Variants in FOXR1 observed in about 807,000 individuals in gnomAD.
FOXR1 encodes the protein forkhead box R1, also known as forkhead box protein R1.
Under a neutral mutation model 34.5 loss-of-function variants are expected in FOXR1, and 25 were observed. The observed-to-expected ratio is 0.72, with a 90% confidence interval of 0.53 to 1.01. FOXR1 has a LOEUF of 1.01. FOXR1 is among the 50% of genes least tolerant of loss of function. FOXR1 has a pLI of 0.00. For missense variants in FOXR1, 373 were observed against 376.2 expected, an observed-to-expected ratio of 0.99 and a Z score of 0.07; for synonymous variants, 153 against 141.6, an observed-to-expected ratio of 1.08 and a Z score of -0.57.
At chr11:118,977,029 CTA>C (rs1941787396) in intron 1 of FOXR1, among the ~76,000 whole-genome samples, 1 of 151,972 alleles carries the variant, frequency 6.6e-6, no homozygotes, top group East Asian at 1.9e-4. Context: ...GTGATTTTTA[CTA>C]TGTTAGAACT....
intron 3 of FOXR1, 57 bp from the exon 4 acceptor site, chr11:118,979,385 G>A (rs552452355): frequency 2.0e-6 from 3 of 1,499,608 alleles, no homozygotes; most frequent in South Asian, 1.3e-5. Context: ...TCCTGCCACT[G>A]CACCCTGGAG....
At chr11:118,975,443 G>A (rs1941768508) in intron 1 of FOXR1, among the ~76,000 whole-genome samples, 1 of 151,108 alleles carries the variant, frequency 6.6e-6, no homozygotes, top group South Asian at 2.1e-4. Context: ...TTAGAGACAG[G>A]GTCTCTATCT....
At chr11:118,974,284 G>C (rs1485965083) in intron 1 of FOXR1, among the ~76,000 whole-genome samples, 1 of 152,212 alleles carries the variant, frequency 6.6e-6, no homozygotes, top group East Asian at 1.9e-4. Context: ...GAGTGCAGTG[G>C]CACAATTACC....
Position 118,980,688 on chromosome 11 carries a change from C to T in FOXR1, c.810C>T (p.Ser270=), listed in dbSNP as rs782265268. 1 of 1,613,922 alleles carries T rather than the reference C, an allele frequency of 6.2e-7. No individual in the cohort carries two copies. Among genetic ancestry groups the T allele is most frequent in the East Asian group, 2.2e-5 (1 of 44,886 alleles). Residue 270 remains serine, a synonymous_variant, in exon 5 of 6, where the codon TCC becomes TCT. Coordinates refer to ENST00000317011, the MANE Select transcript of FOXR1 (RefSeq NM_181721.3). ...CGGAGGAGGCCCGCGCCTTGGCTTC[C>T]ACTCGGCTAGAAAGTATCCAACAGT... The part of the protein sequence containing the change: ...RFAEEARALA[S]TRLESIQQCM...
intron 1 of FOXR1, among the ~76,000 whole-genome samples, chr11:118,975,438 G>C (rs1592026661): frequency 6.7e-6 from 1 of 149,110 alleles, no homozygotes. Flanking sequence ...TTTTTTTAGA[G>C]ACAGGGTCTC....
At position 118,971,963 on chromosome 11, in the gene FOXR1, C is replaced by T. The variant is rs1941708950; in HGVS notation, c.32C>T (p.Thr11Ile). 23 of 1,553,074 alleles carry T rather than the reference C, an allele frequency of 1.5e-5. No individual in the cohort carries two copies. The highest frequency in any genetic ancestry group is 2.0e-5 in the Non-Finnish European group (23 of 1,147,600). ...AACGAGCTCTTTCTGGCCTTCACCACATCTCACCTCCCCTTAGCGGAGCAG... is the reference window on the plus strand; with the variant it reads ...AACGAGCTCTTTCTGGCCTTCACCATATCTCACCTCCCCTTAGCGGAGCAG... MGNELFLAFT[T>I]SHLPLAEQKL... is the part of the protein sequence containing the mutation. The change falls in exon 1 of 6, where the codon ACA (threonine) becomes ATA (isoleucine). Residue 11 changes from threonine to isoleucine, a missense_variant. Physicochemically the swap from Thr to Ile is moderately conservative, Grantham distance 89. Coordinates refer to ENST00000317011, the MANE Select transcript of FOXR1 (RefSeq NM_181721.3).
Position 118,980,511 on chromosome 11 carries a change from G to T in FOXR1, c.633G>T (p.Arg211=), listed in dbSNP as rs782256291. Residue 211 remains arginine, a synonymous_variant, in exon 5 of 6, where the codon CGG becomes CGT. Transcript: ENST00000317011. ...SFTRKHFPFF[R]TAPEGWKNTV... is the part of the protein sequence containing the mutation. ...ATAGAAAGCACTTCCCCTTTTTCCGGACGGCCCCGGAAGGCTGGAAGAATA... is the reference window on the plus strand; with the variant it reads ...ATAGAAAGCACTTCCCCTTTTTCCGTACGGCCCCGGAAGGCTGGAAGAATA... 6.2e-7 allele frequency: 1 copy of T among 1,613,744 alleles called. No individual in the cohort carries two copies. Among genetic ancestry groups the T allele is most frequent in the Non-Finnish European group, 8.5e-7 (1 of 1,179,936 alleles).
Position 118,978,780 on chromosome 11 carries a change from A to G in FOXR1, c.62-2A>G. ...GACTCTCTCTGTCTTTCTTTTTGCCAGTTGCCAGGTATAAACTCCGAATTG... is the reference window on the plus strand; with the variant it reads ...GACTCTCTCTGTCTTTCTTTTTGCCGGTTGCCAGGTATAAACTCCGAATTG... On this transcript the variant is annotated splice_acceptor_variant, in intron 1 of 5. Transcript: ENST00000317011. LOFTEE classifies it high-confidence loss of function. The G allele has an allele frequency of 2.5e-6, 4 of 1,614,156 alleles. No homozygotes were observed. The highest frequency in any genetic ancestry group is 3.4e-6 in the Non-Finnish European group (4 of 1,180,014).
chr11:118,977,947 C>T lies in FOXR1; in HGVS notation c.62-835C>T, dbSNP rs150667388. The stretch of plus-strand genomic sequence containing the variant: ...AAAAATACAAAAATTGGGCTGGGCG[C>T]GGTGGCTCAAGCCTGTAATCCCAGC... On this transcript the variant is annotated intron_variant, in intron 1 of 5. Coordinates refer to ENST00000317011, the MANE Select transcript of FOXR1 (RefSeq NM_181721.3). 1.9e-3 allele frequency among the ~76,000 whole-genome samples: 296 copies of T among 152,090 alleles called. 1 individual carries two copies. Among genetic ancestry groups the T allele is most frequent in the African/African-American group, 7.0e-3 (289 of 41,494 alleles).
chr11:118,980,449 G>A (rs376133111), intron 4 of FOXR1, 41 bp from the exon 5 acceptor site: 1 of 1,602,730 alleles, frequency 6.2e-7, no homozygotes, highest in Non-Finnish European at 8.5e-7. Flanking sequence ...GCATTCCCCA[G>A]ACATAACATG....
chr11:118,975,497 A>C (rs1941769004), intron 1 of FOXR1, among the ~76,000 whole-genome samples: 1 of 117,784 alleles, frequency 8.5e-6, no homozygotes, highest in Non-Finnish European at 1.9e-5. Flanking sequence ...AGCTCACTGC[A>C]GTCTTGAGCA....
intron 1 of FOXR1, among the ~76,000 whole-genome samples, chr11:118,975,624 G>A (rs975752868): frequency 6.6e-6 from 1 of 151,948 alleles, no homozygotes; most frequent in African/African-American, 2.4e-5. Context: ...CCCTAAAATG[G>A]GAGAATTAAC....
chr11:118,973,940 C>T (rs997472254), intron 1 of FOXR1, among the ~76,000 whole-genome samples: 23 of 152,040 alleles, frequency 1.5e-4, no homozygotes, highest in Non-Finnish European at 2.8e-4. Flanking sequence ...TCAAGTGATC[C>T]GCTTCCCTCA....
At chr11:118,978,440 A>C (rs989094701) in intron 1 of FOXR1, among the ~76,000 whole-genome samples, 1 of 152,212 alleles carries the variant, frequency 6.6e-6, no homozygotes, top group Non-Finnish European at 1.5e-5. Context: ...GGGCTACCCA[A>C]GTAAAGACAT....
intron 1 of FOXR1, among the ~76,000 whole-genome samples, chr11:118,975,423 T>C (rs1359507378): frequency 3.3e-5 from 5 of 150,418 alleles, no homozygotes; most frequent in Admixed American, 6.6e-5. Flanking sequence ...CTTTCTTCTT[T>C]TTTTTTTTTT....
In FOXR1 at chr11:118,979,608, T is replaced by G; in HGVS notation, c.551T>G (p.Leu184Arg). 6.2e-7 allele frequency: 1 copy of G among 1,612,638 alleles called. No individual in the cohort carries two copies. The highest frequency in any genetic ancestry group is 8.5e-7 in the Non-Finnish European group (1 of 1,179,392). The change falls in exon 4 of 6, where the codon CTG becomes CGG. Residue 184 changes from leucine (L) to arginine (R), a missense_variant. By Grantham distance (102) the Leu-to-Arg change is moderately radical (BLOSUM62 -2). Coordinates refer to ENST00000317011, the MANE Select transcript of FOXR1 (RefSeq NM_181721.3). ...CTCAATTACTTCCACCTAATTGCCC[T>G]GGCATTAAGAAACAGTTCCCCCTGT... ...PPLNYFHLIA[L>R]ALRNSSPCGL...
In FOXR1 at chr11:118,971,839, C is replaced by T; in HGVS notation, c.-93C>T. 1 of 1,410,836 alleles carries T rather than the reference C, an allele frequency of 7.1e-7. No homozygotes were observed. The highest frequency in any genetic ancestry group is 9.8e-7 in the Non-Finnish European group (1 of 1,024,002). 87.4% of individuals were successfully genotyped at this position (1,410,836 alleles called of 1,614,324 possible). ...CGCGTCCCCACTCCGCGCCGCCGCG[C>T]CTCTGCCAGCCCCGAAGGTGGACGT... On this transcript the variant is annotated 5_prime_UTR_variant, in exon 1 of 6. Transcript: ENST00000317011.
chr11:118,977,600 T>A (rs1189358980), intron 1 of FOXR1, among the ~76,000 whole-genome samples: 1 of 152,142 alleles, frequency 6.6e-6, no homozygotes, highest in Non-Finnish European at 1.5e-5. Context: ...TTTTCCTTTT[T>A]TGAATACTAT....
At chr11:118,972,082 C>T in intron 1 of FOXR1, 90 bp downstream of exon 1, 1 of 1,250,634 alleles carries the variant, frequency 8.0e-7, no homozygotes, top group Non-Finnish European at 1.1e-6. Flanking sequence ...GGCTCCCCAG[C>T]CTTCGCCCCC....
Sources: allele counts gnomAD v4.1 joint callset (sites outside exome capture counted in the v4.1 genomes callset), GRCh38; gene constraint gnomAD v4.1.1; transcripts MANE v1.5; gene names NCBI Gene and HGNC (gene_info 2026-07-23, HGNC 2026-07-21).